Variants in NT5DC3 observed in about 807,000 individuals in gnomAD.
NT5DC3 encodes the protein 5'-nucleotidase domain-containing protein 3.
In NT5DC3, 42 loss-of-function variants were observed where a neutral mutation model predicts 67.8. The ratio of observed to expected loss-of-function variants is 0.62; its 90% confidence interval spans 0.48 to 0.80. The LOEUF is 0.80. NT5DC3 is among the 30% of genes least tolerant of loss of function. The probability of loss-of-function intolerance (pLI) is 0.00; values close to 1 mark genes in which losing one functional copy is unlikely to be tolerated. For synonymous variants in NT5DC3, 237 were observed against 255.6 expected, an observed-to-expected ratio of 0.93 and a Z score of 0.69; for missense variants, 570 against 696.4, an observed-to-expected ratio of 0.82 and a Z score of 2.04.
the NT5DC3 span, among the ~76,000 whole-genome samples, chr12:103,752,468 C>T: frequency 6.6e-6 from 1 of 152,174 alleles, no homozygotes; most frequent in Admixed American, 6.5e-5. Flanking sequence ...AAAAATGTGA[C>T]TTGCTTCTTG....
chr12:103,757,040 ATATT>A, the NT5DC3 span, among the ~76,000 whole-genome samples: 2 of 145,238 alleles, frequency 1.4e-5, no homozygotes, highest in Non-Finnish European at 3.0e-5. Context: ...TAAAATATAT[ATATT>A]AAAGTATGTA....
At chr12:103,754,542 A>G in the NT5DC3 span, among the ~76,000 whole-genome samples, 2 of 152,106 alleles carry the variant, frequency 1.3e-5, no homozygotes, top group Non-Finnish European at 2.9e-5. Context: ...GCTCCCAATA[A>G]GTCTTATGAT....
Position 103,802,965 on chromosome 12 carries a change from G to A in NT5DC3, c.524+3357C>T, listed in dbSNP as rs185674855. Among the ~76,000 whole-genome samples the A allele has an allele frequency of 3.1e-3, 471 of 152,242 alleles. 2 individuals are homozygous for A. Among genetic ancestry groups the A allele is most frequent in the African/African-American group, 0.011 (455 of 41,524 alleles). Reference sequence around the variant, plus strand: ...GGATTATTGGGAGTAATGATTTAGGGAATCAGTCTGGCAAGAATGTCCAGG... The same window carrying A: ...GGATTATTGGGAGTAATGATTTAGGAAATCAGTCTGGCAAGAATGTCCAGG... On this transcript the variant is annotated intron_variant, in intron 4 of 13. Coordinates refer to ENST00000392876, the MANE Select transcript of NT5DC3 (RefSeq NM_001031701.3).
At chr12:103,778,514 G>C (rs1885422094) in intron 13 of NT5DC3, among the ~76,000 whole-genome samples, 1 of 152,112 alleles carries the variant, frequency 6.6e-6, no homozygotes, top group African/African-American at 2.4e-5. Flanking sequence ...CTGGGCAACA[G>C]AGCGAAACTC....
chr12:103,803,724 T>C (rs1886677714), intron 4 of NT5DC3, among the ~76,000 whole-genome samples: 1 of 152,144 alleles, frequency 6.6e-6, no homozygotes. Flanking sequence ...GAACATGCAG[T>C]ATTTGGCTTC....
At position 103,780,377 on chromosome 12, in the gene NT5DC3, A is replaced by C; in HGVS notation, c.1330-13T>G. 2 of 1,612,226 alleles carry C rather than the reference A, an allele frequency of 1.2e-6. No individual in the cohort carries two copies. Among genetic ancestry groups the C allele is most frequent in the Non-Finnish European group, 1.7e-6 (2 of 1,178,238 alleles). Reference sequence around the variant, plus strand: ...CATCTCTGTGAACCTGTAGGACACAAGTCAATTATTACAACTGTTTTGATT... The same window carrying C: ...CATCTCTGTGAACCTGTAGGACACACGTCAATTATTACAACTGTTTTGATT... On this transcript the variant is annotated splice_polypyrimidine_tract_variant and intron_variant, in intron 12 of 13. Transcript: ENST00000392876.
At chr12:103,753,889 G>A in the NT5DC3 span, among the ~76,000 whole-genome samples, 1 of 152,184 alleles carries the variant, frequency 6.6e-6, no homozygotes, top group South Asian at 2.1e-4. Context: ...CTCTCTGGCT[G>A]GAGGGACTGT....
chr12:103,758,007 ACT>A, the NT5DC3 span: 3 of 1,023,194 alleles, frequency 2.9e-6, no homozygotes, highest in South Asian at 3.3e-5. Flanking sequence ...AAGTCCTCAA[ACT>A]CTCCCACGGC....
chr12:103,753,232 G>C, the NT5DC3 span: 1 of 1,614,144 alleles, frequency 6.2e-7, no homozygotes, highest in Non-Finnish European at 8.5e-7. Context: ...ACCACTGTTG[G>C]GGTGTTCCAT....
At chr12:103,752,595 A>G in the NT5DC3 span, among the ~76,000 whole-genome samples, 14,465 of 152,322 alleles carry the variant, frequency 0.095, 1,044 homozygotes, top group East Asian at 0.34. Context: ...TTTTTTAAAA[A>G]GCACAGCAGG....
intron 6 of NT5DC3, among the ~76,000 whole-genome samples, chr12:103,794,867 G>A (rs962684415): frequency 6.6e-5 from 10 of 152,222 alleles, no homozygotes; most frequent in Non-Finnish European, 1.5e-5. Context: ...GTGGGTTCAG[G>A]AGTATGGCAG....
In NT5DC3 at chr12:103,780,379, T is replaced by G. The variant is rs1484555337; in HGVS notation, c.1330-15A>C. ...TCTCTGTGAACCTGTAGGACACAAG[T>G]CAATTATTACAACTGTTTTGATTTC... On this transcript the variant is annotated splice_polypyrimidine_tract_variant and intron_variant, in intron 12 of 13. Transcript: ENST00000392876. The G allele has an allele frequency of 1.2e-6, 2 of 1,611,614 alleles. No individual in the cohort carries two copies. Among genetic ancestry groups the G allele is most frequent in the Non-Finnish European group, 1.7e-6 (2 of 1,177,812 alleles).
At chr12:103,786,236 G>C (rs1434827167) in intron 11 of NT5DC3, among the ~76,000 whole-genome samples, 4 of 152,146 alleles carry the variant, frequency 2.6e-5, no homozygotes, top group Non-Finnish European at 5.9e-5. Flanking sequence ...AACAGGATAA[G>C]GAGAGGAAGC....
intron 12 of NT5DC3, among the ~76,000 whole-genome samples, chr12:103,782,888 A>C (rs1885613713): frequency 6.6e-6 from 1 of 152,178 alleles, no homozygotes; most frequent in Non-Finnish European, 1.5e-5. Context: ...TGGGAGGCTG[A>C]GAGAGGAGAA....
the NT5DC3 span, chr12:103,761,384 C>G: frequency 1.7e-5 from 28 of 1,613,752 alleles, no homozygotes; most frequent in African/African-American, 2.7e-5. Context: ...CATTTCCAGG[C>G]CTTTAAAAGC....
downstream of NT5DC3, among the ~76,000 whole-genome samples, chr12:103,771,671 G>A (rs1292421865): frequency 6.6e-6 from 1 of 152,208 alleles, no homozygotes; most frequent in Non-Finnish European, 1.5e-5. Flanking sequence ...GGAGGGAAAG[G>A]CTGGGTTGAG....
intron 11 of NT5DC3, among the ~76,000 whole-genome samples, 180 bp downstream of exon 11, chr12:103,787,258 TAAA>T (rs60157729): frequency 1.4e-5 from 2 of 143,542 alleles, no homozygotes. Flanking sequence ...CCTGTTCTGT[TAAA>T]AAAAAAAAAA....
At position 103,780,244 on chromosome 12, in the gene NT5DC3, T is replaced by A. The variant is rs1400934122; in HGVS notation, c.1394+56A>T. Reference sequence around the variant, plus strand: ...CTGGCCCTGGGGAACACATGTGGGCTGAGCACAGCCAGAACAGGGTGGTGG... The same window carrying A: ...CTGGCCCTGGGGAACACATGTGGGCAGAGCACAGCCAGAACAGGGTGGTGG... On this transcript the variant is annotated intron_variant, in intron 13 of 13. Transcript: ENST00000392876. 11 of 1,469,854 alleles carry A rather than the reference T, an allele frequency of 7.5e-6. No homozygotes were observed. In the African/African-American group the frequency reaches 1.5e-4, roughly 20 times the overall value. 91.1% of individuals were successfully genotyped at this position (1,469,854 alleles called of 1,614,324 possible).
downstream of NT5DC3, among the ~76,000 whole-genome samples, chr12:103,771,504 C>G (rs144350335): frequency 1.4e-3 from 207 of 152,284 alleles, no homozygotes; most frequent in African/African-American, 4.6e-3. Flanking sequence ...CCTTACAATG[C>G]AGGGGGTCTA....
Sources: allele counts gnomAD v4.1 joint callset (sites outside exome capture counted in the v4.1 genomes callset), GRCh38; gene constraint gnomAD v4.1.1; transcripts MANE v1.5; gene names NCBI Gene and HGNC (gene_info 2026-07-23, HGNC 2026-07-21).